Variants in TRPM1 observed in about 807,000 individuals in gnomAD.
TRPM1 encodes transient receptor potential cation channel subfamily M member 1.
TRPM1 carries 113 observed loss-of-function variants against 149.4 expected under a neutral mutation model. That is an observed-to-expected ratio of 0.76 (90% CI 0.65 to 0.88). The LOEUF is 0.88. Among genes scored for constraint, TRPM1 ranks in the 40% least tolerant of loss-of-function variants. The probability of loss-of-function intolerance (pLI) is 0.00; values close to 1 mark genes in which losing one functional copy is unlikely to be tolerated. For synonymous variants in TRPM1, 741 were observed against 759.5 expected, an observed-to-expected ratio of 0.98 and a Z score of 0.40; for missense variants, 1,976 against 2,038.7, an observed-to-expected ratio of 0.97 and a Z score of 0.59.
intron 18 of TRPM1, among the ~76,000 whole-genome samples, chr15:31,039,599 C>G (rs2033545581): frequency 6.6e-6 from 1 of 152,314 alleles, no homozygotes; most frequent in East Asian, 1.9e-4. Flanking sequence ...GGTTTGATTG[C>G]AATATAATTT....
chr15:31,032,739 A>G lies in TRPM1; in HGVS notation c.2902T>C (p.Phe968Leu), dbSNP rs572580501. The G allele has an allele frequency of 5.0e-6, 8 of 1,614,054 alleles. No individual in the cohort carries two copies. Among genetic ancestry groups the G allele is most frequent in the Non-Finnish European group, 5.9e-6 (7 of 1,180,038 alleles). ...GGCCCCAGATACTTGTTGACACCAAAGATGTCCAGGACACGGATGTACCAG... is the reference window on the plus strand; with the variant it reads ...GGCCCCAGATACTTGTTGACACCAAGGATGTCCAGGACACGGATGTACCAG... ...IFWYIRVLDIFGVNKYLGPYV... is the reference protein window; with the variant it reads ...IFWYIRVLDILGVNKYLGPYV... The change falls in exon 22 of 28, where the codon TTT becomes CTT. Residue 968 changes from phenylalanine to leucine, a missense_variant. By Grantham distance (22) the Phe-to-Leu change is conservative (BLOSUM62 0). Around this residue, in one of 3 missense-constraint regions of TRPM1, gnomAD observed 1,332 missense variants for 1,347.1 expected, o/e 0.99. Coordinates refer to ENST00000256552, the MANE Select transcript of TRPM1 (RefSeq NM_001252024.2).
At position 31,066,252 on chromosome 15, in the gene TRPM1, C is replaced by T; in HGVS notation, c.619-5G>A. ...GGTCTGGTACACTCTTGTTACCTGACAAAGTGCACAGCGCAAATCAGACCT... is the reference window on the plus strand; with the variant it reads ...GGTCTGGTACACTCTTGTTACCTGATAAAGTGCACAGCGCAAATCAGACCT... On this transcript the variant is annotated splice_region_variant and splice_polypyrimidine_tract_variant and intron_variant, in intron 6 of 27. Transcript: ENST00000256552. 1 of 1,614,120 alleles carries T rather than the reference C, an allele frequency of 6.2e-7. No individual in the cohort carries two copies. Among genetic ancestry groups the T allele is most frequent in the Non-Finnish European group, 8.5e-7 (1 of 1,180,000 alleles).
chr15:31,093,173 A>G (rs1419357538), intron 1 of TRPM1, among the ~76,000 whole-genome samples: 1 of 148,722 alleles, frequency 6.7e-6, no homozygotes, highest in Admixed American at 6.7e-5. Context: ...AGGCAGGAGA[A>G]TTGCTTTAAC....
chr15:31,113,213 G>C (rs1036529195), intron 1 of TRPM1, among the ~76,000 whole-genome samples: 1 of 152,104 alleles, frequency 6.6e-6, no homozygotes, highest in Non-Finnish European at 1.5e-5. Context: ...TAACTCACAG[G>C]AGTGAATCTC....
chr15:31,161,050 C>T (rs943001715), exon 1 of TRPM1: 31 of 1,285,374 alleles, frequency 2.4e-5, no homozygotes, highest in South Asian at 3.8e-5. Context: ...TGGGCAGGAG[C>T]GGAGCCACAC....
At chr15:31,154,224 A>G (rs1042554495) in intron 1 of TRPM1, among the ~76,000 whole-genome samples, 3 of 152,212 alleles carry the variant, frequency 2.0e-5, no homozygotes, top group African/African-American at 7.2e-5. Context: ...ACAGGTCTTC[A>G]ATGGATTGAA....
At chr15:31,063,412 G>A (rs893664497) in intron 7 of TRPM1, 120 bp from the exon 8 acceptor site, 1 of 1,287,414 alleles carries the variant, frequency 7.8e-7, no homozygotes, top group African/African-American at 1.5e-5. Context: ...GTTCTATCTG[G>A]CTGGAAGGAA....
At chr15:31,039,818 A>C (rs1163953813) in intron 18 of TRPM1, among the ~76,000 whole-genome samples, 1 of 152,146 alleles carries the variant, frequency 6.6e-6, no homozygotes, top group Admixed American at 6.5e-5. Context: ...GGGCTCCATT[A>C]GGAGACTCTG....
intron 1 of TRPM1, among the ~76,000 whole-genome samples, chr15:31,141,700 T>C (rs979772617): frequency 3.9e-5 from 6 of 152,188 alleles, no homozygotes; most frequent in Non-Finnish European, 5.9e-5. Flanking sequence ...TATTGTAATA[T>C]GAAGAAAGAA....
In TRPM1 at chr15:31,062,715, A is replaced by C. The variant is rs753686864; in HGVS notation, c.966-13T>G. 20 of 1,613,456 alleles carry C rather than the reference A, an allele frequency of 1.2e-5. No homozygotes were observed. Among genetic ancestry groups the C allele is most frequent in the Non-Finnish European group, 1.5e-5 (18 of 1,179,994 alleles). On this transcript the variant is annotated splice_polypyrimidine_tract_variant and intron_variant, in intron 8 of 27. Transcript: ENST00000256552. ...CTCATTTATTATTCTGTTCAAAGAA[A>C]ATGCAAGAGAACAAAACAAGGCAAG... is the stretch of plus-strand genomic sequence containing the variant.
rs780771741 is a variant in TRPM1, at chr15:31,027,072, C to G, written c.3339G>C (p.Lys1113Asn). 6.2e-7 allele frequency: 1 copy of G among 1,614,090 alleles called. No individual in the cohort carries two copies. The highest frequency in any genetic ancestry group is 8.5e-7 in the Non-Finnish European group (1 of 1,180,050). The change falls in exon 26 of 28, where the codon AAG (lysine) becomes AAC (asparagine). Residue 1113 changes from lysine (K) to asparagine (N), a missense_variant. Coordinates refer to ENST00000256552, the MANE Select transcript of TRPM1 (RefSeq NM_001252024.2). ...TCATAATCAGCTGATATCGCTGGAA[C>G]TTCCACACCTGGTTGGATATTGATT... The part of the protein sequence containing the change: ...EVKSISNQVW[K>N]FQRYQLIMTF...
chr15:31,017,179 G>T lies in TRPM1; in HGVS notation c.3629+8960C>A, dbSNP rs563559410. 2.8e-4 allele frequency among the ~76,000 whole-genome samples: 42 copies of T among 152,084 alleles called. No individual in the cohort carries two copies. The South Asian group carries it at 8.5e-3, about 31-fold the overall frequency. ...AAATTAGCCGGACATGGTGGCGTGC[G>T]TCTGTAGTCCCAGCTACTCGGGAGG... On this transcript the variant is annotated intron_variant, in intron 27 of 27. Coordinates refer to ENST00000256552, the MANE Select transcript of TRPM1 (RefSeq NM_001252024.2).
chr15:31,067,723 A>G (rs1192188236), intron 5 of TRPM1, among the ~76,000 whole-genome samples, 156 bp downstream of exon 5: 1 of 152,198 alleles, frequency 6.6e-6, no homozygotes, highest in African/African-American at 2.4e-5. Flanking sequence ...ATCAAAGTAA[A>G]AAACACAAGC....
chr15:31,099,750 G>T (rs548429436), intron 1 of TRPM1, among the ~76,000 whole-genome samples: 1 of 152,260 alleles, frequency 6.6e-6, no homozygotes, highest in South Asian at 2.1e-4. Context: ...ATTTTCTGGG[G>T]GAGGAGGGCT....
chr15:31,159,943 G>A (rs1388104597), intron 1 of TRPM1, among the ~76,000 whole-genome samples: 1 of 152,132 alleles, frequency 6.6e-6, no homozygotes. Context: ...GTAAGTGCCA[G>A]CTGGGGGGCT....
rs56343838 is a variant in TRPM1 at position 31,116,602 on chromosome 15, G to GAAATAAATAAATAAATAAAT, written c.55-39638_55-39619dup. Among the ~76,000 whole-genome samples the GAAATAAATAAATAAATAAAT allele has an allele frequency of 1.6e-3, 232 of 143,712 alleles. 1 individual carries two copies. Among genetic ancestry groups the GAAATAAATAAATAAATAAAT allele is most frequent in the East Asian group, 8.2e-3 (39 of 4,754 alleles). The allele number at this position is 143,712 out of a possible 152,430, so 94.3% of individuals were successfully genotyped here. A position where few individuals can be genotyped will look rare whatever the true frequency, so the allele number is the denominator to read the frequency against. On this transcript the variant is annotated intron_variant, in intron 1 of 26. Coordinates refer to the TRPM1 transcript ENST00000542188. ...GGCCAACGAGAGCAAAACTCCATCT[G>GAAATAAATAAATAAATAAAT]AAATAAATAAATAAATAAATAAATA...
At chr15:31,048,106 T>C (rs2033833178) in intron 13 of TRPM1, among the ~76,000 whole-genome samples, 167 bp from the exon 14 acceptor site, 2 of 152,046 alleles carry the variant, frequency 1.3e-5, no homozygotes, top group African/African-American at 2.4e-5. Flanking sequence ...CTACTAAAAA[T>C]ACAAAAATTA....
chr15:31,036,910 C>T (rs2033410492), intron 20 of TRPM1, among the ~76,000 whole-genome samples: 1 of 152,252 alleles, frequency 6.6e-6, no homozygotes, highest in Non-Finnish European at 1.5e-5. Flanking sequence ...CGGCCAGGGA[C>T]CCAGCTCCTC....
At chr15:31,150,487 C>T (rs1352481298) in intron 1 of TRPM1, among the ~76,000 whole-genome samples, 1 of 138,900 alleles carries the variant, frequency 7.2e-6, no homozygotes, top group Non-Finnish European at 1.5e-5. Context: ...CCCAGGCTGG[C>T]GTGCAGTAGT....
Sources: allele counts gnomAD v4.1 joint callset (sites outside exome capture counted in the v4.1 genomes callset), GRCh38; gene constraint gnomAD v4.1.1; regional missense constraint gnomAD v4.1.1; transcripts MANE v1.5; gene names NCBI Gene and HGNC (gene_info 2026-07-23, HGNC 2026-07-21).